The following FRMD3 variants were observed in gnomAD, a reference collection of about 807,000 sequenced individuals.
FRMD3 encodes the protein FERM domain-containing protein 3.
A neutral mutation model predicts 70.2 loss-of-function variants in FRMD3; 33 were observed. That is an observed-to-expected ratio of 0.47 (90% CI 0.36 to 0.63). FRMD3 has a LOEUF of 0.63. Ranked by LOEUF, FRMD3 falls within the 20% of genes least tolerant of loss-of-function variation. FRMD3 has a pLI of 0.00. For synonymous variants in FRMD3, 279 were observed against 255.9 expected (o/e 1.09, Z -0.86); for missense variants, 632 against 711.4 (o/e 0.89, Z 1.27).
intron 6 of FRMD3, among the ~76,000 whole-genome samples, chr9:83,331,301 C>T (rs1279716438): frequency 6.6e-6 from 1 of 152,122 alleles, no homozygotes; most frequent in Admixed American, 6.5e-5. Context: ...CAAGAAAAGA[C>T]ATGGAGGAAA....
intron 1 of FRMD3, among the ~76,000 whole-genome samples, chr9:83,425,232 TCCTAGATTATAGAATA>T (rs1826767769): frequency 1.3e-5 from 2 of 152,208 alleles, no homozygotes; most frequent in Non-Finnish European, 2.9e-5. Context: ...TAGATATATA[TCCTAGATTATAGAATA>T]ACCATCCAGA....
At chr9:83,502,263 G>A (rs1829086015) in intron 1 of FRMD3, among the ~76,000 whole-genome samples, 1 of 152,158 alleles carries the variant, frequency 6.6e-6, no homozygotes, top group South Asian at 2.1e-4. Context: ...GGACACAGTG[G>A]TGAGTGCAAC....
intron 1 of FRMD3, among the ~76,000 whole-genome samples, chr9:83,416,786 T>TCTCTCTCTCTCC (rs1220396275): frequency 3.4e-5 from 2 of 58,284 alleles, no homozygotes; most frequent in South Asian, 5.8e-4. Flanking sequence ...TCTCTCTCTC[T>TCTCTCTCTCTCC]CACTCTCTCT....
chr9:83,542,072 A>G (rs1564123158), upstream of FRMD3, among the ~76,000 whole-genome samples: 1 of 152,142 alleles, frequency 6.6e-6, no homozygotes, highest in African/African-American at 2.4e-5. Flanking sequence ...AACAGAGGAC[A>G]TTTGAGTACA....
intron 1 of FRMD3, among the ~76,000 whole-genome samples, chr9:83,528,374 A>T (rs1829727442): frequency 6.6e-6 from 1 of 152,066 alleles, no homozygotes; most frequent in African/African-American, 2.4e-5. Context: ...TTCTGTGAAC[A>T]TGCAGTGTTT....
At chr9:83,497,838 G>C (rs915886582) in intron 1 of FRMD3, among the ~76,000 whole-genome samples, 9 of 152,230 alleles carry the variant, frequency 5.9e-5, no homozygotes, top group Non-Finnish European at 1.0e-4. Context: ...GGGGTGTTAA[G>C]ACGCTGAGAT....
chr9:83,297,517 T>C, intron 12 of FRMD3: 2 of 297,880 alleles, frequency 6.7e-6, no homozygotes, highest in Non-Finnish European at 1.3e-5. Context: ...CCTGAGGTCA[T>C]TTCCAGTTCA....
In FRMD3 at chr9:83,480,968, G is replaced by A. The variant is rs551585545; in HGVS notation, c.147+57117C>T. Among the ~76,000 whole-genome samples the A allele has an allele frequency of 2.6e-5, 4 of 152,270 alleles. No individual in the cohort carries two copies. The South Asian group carries it at 8.3e-4, about 32-fold the overall frequency. ...AAGTTAAGTTCCAAAAGATTACATA[G>A]AGCAGGATATAGCCATTTTGTAAAC... On this transcript the variant is annotated intron_variant, in intron 1 of 13. Coordinates refer to ENST00000304195, the MANE Select transcript of FRMD3 (RefSeq NM_174938.6).
chr9:83,362,973 T>TA, intron 3 of FRMD3, among the ~76,000 whole-genome samples: 1 of 149,916 alleles, frequency 6.7e-6, no homozygotes, highest in East Asian at 2.0e-4. Flanking sequence ...CTTCCTTTCC[T>TA]CCCTCCTTCC....
intron 3 of FRMD3, among the ~76,000 whole-genome samples, chr9:83,362,677 C>T (rs1031001882): frequency 6.6e-6 from 1 of 152,182 alleles, no homozygotes; most frequent in African/African-American, 2.4e-5. Flanking sequence ...AGTAAGTGAG[C>T]TTTCTTTCAT....
At chr9:83,543,024 T>C (rs1247237835), upstream of FRMD3, among the ~76,000 whole-genome samples, 2 of 152,088 alleles carry the variant, frequency 1.3e-5, no homozygotes, top group East Asian at 1.9e-4. Context: ...TTAGGTAATC[T>C]TCAGTTTGGT....
At chr9:83,376,034 C>T (rs908949339) in intron 2 of FRMD3, among the ~76,000 whole-genome samples, 1 of 151,910 alleles carries the variant, frequency 6.6e-6, no homozygotes, top group Non-Finnish European at 1.5e-5. Context: ...GTGGCAGGTG[C>T]CTGTAATCCC....
At chr9:83,289,159 C>T (rs1834323372) in intron 13 of FRMD3, among the ~76,000 whole-genome samples, 1 of 152,128 alleles carries the variant, frequency 6.6e-6, no homozygotes, top group Non-Finnish European at 1.5e-5. Context: ...CCCTTAGTGA[C>T]CAGAAATTAA....
intron 10 of FRMD3, 48 bp from the exon 11 acceptor site, chr9:83,299,234 C>G: frequency 8.2e-7 from 1 of 1,220,672 alleles, no homozygotes; most frequent in Non-Finnish European, 1.2e-6. Flanking sequence ...GGAAAGTCCA[C>G]TTACAACATG....
intron 1 of FRMD3, among the ~76,000 whole-genome samples, chr9:83,507,687 CATACAT>C (rs1459167501): frequency 0.027 from 1,268 of 46,870 alleles, 176 homozygotes; most frequent in South Asian, 0.04. Flanking sequence ...AAAAAATATA[CATACAT>C]ATATATATAT....
chr9:83,466,965 A>G (rs1478393260), intron 1 of FRMD3, among the ~76,000 whole-genome samples: 1 of 152,214 alleles, frequency 6.6e-6, no homozygotes, highest in Non-Finnish European at 1.5e-5. Flanking sequence ...CACATTGCAC[A>G]TCGACAGGCA....
chr9:83,507,961 A>G (rs1432690707), intron 1 of FRMD3, among the ~76,000 whole-genome samples: 3 of 152,054 alleles, frequency 2.0e-5, no homozygotes, highest in Admixed American at 2.0e-4. Flanking sequence ...TATGACTGGC[A>G]GTGCAATAGG....
intron 10 of FRMD3, among the ~76,000 whole-genome samples, chr9:83,300,830 C>T (rs1261226718): frequency 1.3e-5 from 2 of 152,078 alleles, no homozygotes; most frequent in East Asian, 3.9e-4. Context: ...GAGAATAAGG[C>T]AAACTTGGAC....
intron 1 of FRMD3, among the ~76,000 whole-genome samples, chr9:83,440,095 C>A (rs1043601234): frequency 1.3e-5 from 2 of 152,174 alleles, no homozygotes; most frequent in African/African-American, 2.4e-5. Flanking sequence ...GTGCAGACTG[C>A]TGCCCAAGAG....
Sources: gnomAD v4.1 joint callset for allele counts (sites outside exome capture counted in the v4.1 genomes callset) on GRCh38, gnomAD v4.1.1 for gene constraint, MANE v1.5 for transcripts, NCBI Gene and HGNC (gene_info 2026-07-23, HGNC 2026-07-21) for gene names.